The following KLRG1 variants were observed in gnomAD, a reference collection of about 807,000 sequenced individuals.
KLRG1 encodes killer cell lectin like receptor G1.
Under a neutral mutation model 21.8 loss-of-function variants are expected in KLRG1, and 16 were observed. That is an observed-to-expected ratio of 0.73 (90% CI 0.50 to 1.11). The LOEUF (loss-of-function observed/expected upper bound fraction) is 1.11. Ranked by LOEUF, KLRG1 falls within the 50% of genes most tolerant of loss-of-function variation. The pLI, the probability that KLRG1 is intolerant of heterozygous loss-of-function variation, is 0.00. For missense variants in KLRG1, 173 were observed against 218.3 expected (o/e 0.79, Z 1.31); for synonymous variants, 69 against 75.9 (o/e 0.91, Z 0.47).
At chr12:9,083,653 A>AT in the KLRG1 span, among the ~76,000 whole-genome samples, 1 of 151,936 alleles carries the variant, frequency 6.6e-6, no homozygotes, top group African/African-American at 2.4e-5. Flanking sequence ...ATGGGACATC[A>AT]TCATGAAATC....
chr12:9,112,589 C>T, the KLRG1 span: 1 of 1,600,688 alleles, frequency 6.2e-7, no homozygotes, highest in Non-Finnish European at 8.5e-7. Flanking sequence ...AGGTCTCCTC[C>T]CCTATTTGCT....
At chr12:9,163,022 C>T in the KLRG1 span, among the ~76,000 whole-genome samples, 3 of 152,046 alleles carry the variant, frequency 2.0e-5, no homozygotes, top group Non-Finnish European at 4.4e-5. Flanking sequence ...TAAGTGAGAA[C>T]ATAACATCCT....
the KLRG1 span, chr12:9,099,624 G>A: frequency 7.3e-7 from 1 of 1,363,608 alleles, no homozygotes; most frequent in Non-Finnish European, 9.9e-7. Flanking sequence ...ACAAATGGAT[G>A]ATTACCTCTA....
the KLRG1 span, chr12:9,201,085 C>A: frequency 3.1e-6 from 5 of 1,612,052 alleles, no homozygotes; most frequent in South Asian, 5.5e-5. Context: ...GAAACATGGG[C>A]GGTAATCATT....
At chr12:9,152,197 T>C in the KLRG1 span, 1 of 1,492,394 alleles carries the variant, frequency 6.7e-7, no homozygotes, top group Non-Finnish European at 9.4e-7. Flanking sequence ...GTATGAAGTC[T>C]ATTAGGATTA....
the KLRG1 span, among the ~76,000 whole-genome samples, chr12:9,183,048 A>G: frequency 1.3e-5 from 2 of 152,202 alleles, no homozygotes; most frequent in Non-Finnish European, 2.9e-5. Flanking sequence ...ACATTGTTGA[A>G]ACTCAAAATA....
the KLRG1 span, among the ~76,000 whole-genome samples, chr12:9,205,492 G>A: frequency 6.6e-6 from 1 of 152,176 alleles, no homozygotes; most frequent in Non-Finnish European, 1.5e-5. Flanking sequence ...GTTCATGGAA[G>A]CTAAAACATG....
the KLRG1 span, among the ~76,000 whole-genome samples, chr12:9,140,735 G>C: frequency 6.6e-5 from 10 of 152,166 alleles, no homozygotes; most frequent in Non-Finnish European, 1.2e-4. Context: ...AAGATAACTT[G>C]GGGGTACTGG....
chr12:9,020,820 T>TA, the KLRG1 span, among the ~76,000 whole-genome samples: 1 of 152,216 alleles, frequency 6.6e-6, no homozygotes, highest in Non-Finnish European at 1.5e-5. Context: ...GATGTATAGT[T>TA]ATGTATTAGT....
In KLRG1 at chr12:8,996,919, C is replaced by T. The variant is rs1805746; in HGVS notation, c.357+1631C>T. 2.0e-4 allele frequency among the ~76,000 whole-genome samples: 31 copies of T among 152,194 alleles called. No homozygotes were observed. The East Asian group carries it at 4.1e-3, about 20-fold the overall frequency. ...GAGGGCAAAACTGATAAACAGGAGT[C>T]GTGAGTCATAGCACAAGACACTGCC... On this transcript the variant is annotated intron_variant, in intron 3 of 4. Transcript: ENST00000356986.
chr12:9,005,200 T>TC (rs1229806339), intron 3 of KLRG1, among the ~76,000 whole-genome samples: 1 of 145,638 alleles, frequency 6.9e-6, no homozygotes, highest in African/African-American at 2.5e-5. Context: ...ACCGGGCCTG[T>TC]CGGGGGGTGG....
At chr12:9,046,803 G>A in the KLRG1 span, among the ~76,000 whole-genome samples, 1 of 152,120 alleles carries the variant, frequency 6.6e-6, no homozygotes, top group East Asian at 1.9e-4. Flanking sequence ...GTAAAGAAAG[G>A]GAGAGCATTT....
the KLRG1 span, among the ~76,000 whole-genome samples, chr12:9,158,968 T>C: frequency 6.6e-6 from 1 of 152,188 alleles, no homozygotes; most frequent in African/African-American, 2.4e-5. Flanking sequence ...TTAACTCTAA[T>C]CAGCTAACTT....
intron 1 of KLRG1, among the ~76,000 whole-genome samples, chr12:8,963,064 A>G (rs936309552): frequency 1.3e-5 from 2 of 152,238 alleles, no homozygotes; most frequent in African/African-American, 4.8e-5. Flanking sequence ...AAAAATATAT[A>G]ATGGCATAGT....
At chr12:9,145,133 A>C in the KLRG1 span, among the ~76,000 whole-genome samples, 1 of 152,116 alleles carries the variant, frequency 6.6e-6, no homozygotes, top group Middle Eastern at 3.2e-3. Context: ...CAGTCACTAT[A>C]TGTGTTTTCA....
At chr12:9,160,621 C>A in the KLRG1 span, 1 of 824,516 alleles carries the variant, frequency 1.2e-6, no homozygotes, top group Non-Finnish European at 1.9e-6. Flanking sequence ...CAGAGTGTGA[C>A]TTCCAGAATC....
At chr12:8,991,759 A>G (rs1393047487) in intron 1 of KLRG1, among the ~76,000 whole-genome samples, 2 of 152,202 alleles carry the variant, frequency 1.3e-5, no homozygotes, top group African/African-American at 4.8e-5. Flanking sequence ...GATTGTATTC[A>G]GTCTTCTCCT....
At chr12:9,065,151 T>TCCCCC in the KLRG1 span, 1 of 52,630 alleles carries the variant, frequency 1.9e-5, no homozygotes. Context: ...ATTCCCTTCC[T>TCCCCC]CCCCCCCCCC....
the KLRG1 span, chr12:9,203,683 G>C: frequency 5.4e-6 from 8 of 1,474,790 alleles, no homozygotes; most frequent in Non-Finnish European, 6.5e-6. Flanking sequence ...CCTTGGGATC[G>C]CACACCAGAG....
Sources: gnomAD v4.1 joint callset for allele counts (sites outside exome capture counted in the v4.1 genomes callset) on GRCh38, gnomAD v4.1.1 for gene constraint, MANE v1.5 for transcripts, NCBI Gene and HGNC (gene_info 2026-07-23, HGNC 2026-07-21) for gene names.